The following HUNK variants were observed in gnomAD, a reference collection of about 807,000 sequenced individuals.
The protein encoded by HUNK is hormonally up-regulated Neu-associated kinase.
A neutral mutation model predicts 61.0 loss-of-function variants in HUNK; 21 were observed. That is an observed-to-expected ratio of 0.34 (90% CI 0.24 to 0.50). HUNK has a LOEUF of 0.50. HUNK is among the 20% of genes least tolerant of loss of function. The pLI, the probability that HUNK is intolerant of heterozygous loss-of-function variation, is 0.98. For missense variants in HUNK, 772 were observed against 945.7 expected, an observed-to-expected ratio of 0.82 and a Z score of 2.41; for synonymous variants, 371 against 386.1, an observed-to-expected ratio of 0.96 and a Z score of 0.46.
At chr21:31,935,277 G>C (rs2052725819) in intron 2 of HUNK, among the ~76,000 whole-genome samples, 1 of 152,206 alleles carries the variant, frequency 6.6e-6, no homozygotes, top group African/African-American at 2.4e-5. Context: ...AGCAGTTTCA[G>C]ATTTACAGAA....
At chr21:31,987,516 T>G (rs558467276) in intron 8 of HUNK, among the ~76,000 whole-genome samples, 2 of 152,298 alleles carry the variant, frequency 1.3e-5, no homozygotes, top group East Asian at 3.9e-4. Context: ...AGAACTATAG[T>G]GGGAAAGGGG....
chr21:31,985,128 A>C (rs962864058), intron 8 of HUNK, among the ~76,000 whole-genome samples: 1 of 152,138 alleles, frequency 6.6e-6, no homozygotes, highest in African/African-American at 2.4e-5. Flanking sequence ...CCCTTGACAC[A>C]TGGGGATTAT....
chr21:31,981,663 G>T (rs1272732276), intron 7 of HUNK, among the ~76,000 whole-genome samples: 1 of 151,964 alleles, frequency 6.6e-6, no homozygotes, highest in Non-Finnish European at 1.5e-5. Context: ...TGAATAGTTT[G>T]TTGTTAGTGT....
intron 5 of HUNK, among the ~76,000 whole-genome samples, chr21:31,963,998 TCTC>T (rs959126549): frequency 6.6e-6 from 1 of 152,188 alleles, no homozygotes; most frequent in Non-Finnish European, 1.5e-5. Context: ...TTTCTAAGTC[TCTC>T]TTCTACACAC....
chr21:31,999,050 A>AT lies in HUNK; in HGVS notation c.2012dup (p.Met671IlefsTer15). 6.2e-7 allele frequency: 1 copy of AT among 1,614,208 alleles called. No individual in the cohort carries two copies. Among genetic ancestry groups the AT allele is most frequent in the Non-Finnish European group, 8.5e-7 (1 of 1,180,044 alleles). ...GTTCCCTATGATGGGCATCGGACAG[A>AT]TGTTAAGGAAGCGCCATCAGAGTCT... is the stretch of plus-strand genomic sequence containing the variant. On this transcript the variant is annotated frameshift_variant, in exon 11 of 11. Transcript: ENST00000270112. LOFTEE classifies it high-confidence loss of function.
rs1350819216 is a variant in HUNK, at chr21:31,892,207, A to AGT, written c.261+18273_261+18274insTG. On this transcript the variant is annotated intron_variant, in intron 1 of 10. Coordinates refer to ENST00000270112, the MANE Select transcript of HUNK (RefSeq NM_014586.2). ...GAGAGAGAGAGAGAGAGAGAGAGAGAGAGTGTGTGTGTGTGTGTGTGTGTA... is the reference window on the plus strand; with the variant it reads ...GAGAGAGAGAGAGAGAGAGAGAGAGAGTGAGTGTGTGTGTGTGTGTGTGTGTA... 3.0e-3 allele frequency among the ~76,000 whole-genome samples: 390 copies of AGT among 131,914 alleles called. 1 individual carries two copies. Among genetic ancestry groups the AGT allele is most frequent in the African/African-American group, 0.01 (359 of 34,658 alleles). 86.5% of individuals were successfully genotyped at this position (131,914 alleles called of 152,430 possible). A position where few individuals can be genotyped will look rare whatever the true frequency, so the allele number is the denominator to read the frequency against.
chr21:31,950,560 A>C (rs1257971319), intron 4 of HUNK, among the ~76,000 whole-genome samples: 2 of 152,124 alleles, frequency 1.3e-5, no homozygotes, highest in African/African-American at 4.8e-5. Context: ...TTTGGCGAAA[A>C]CATAAAACTT....
At chr21:31,907,655 C>T (rs1252025160) in intron 1 of HUNK, among the ~76,000 whole-genome samples, 2 of 152,138 alleles carry the variant, frequency 1.3e-5, no homozygotes, top group East Asian at 3.9e-4. Flanking sequence ...GAGTCACAAC[C>T]ACGTGAACAT....
chr21:31,919,202 T>TGAG (rs2052606632), intron 1 of HUNK, among the ~76,000 whole-genome samples: 1 of 146,544 alleles, frequency 6.8e-6, no homozygotes. Flanking sequence ...CTGAGCGGTA[T>TGAG]GAGGAGGAGG....
At chr21:31,922,309 G>C (rs146180346) in intron 1 of HUNK, among the ~76,000 whole-genome samples, 8,924 of 147,528 alleles carry the variant, frequency 0.06, 369 homozygotes, top group Middle Eastern at 0.15. Context: ...AAGCCACCGT[G>C]CCCAGCCTCT....
chr21:32,000,216 T>C lies in HUNK; in HGVS notation c.*1032T>C, dbSNP rs1286066992. ...AGGCAGCATTATCTCTGTGCGATGC[T>C]GATTTCAAGCTGCCCACAGAACTGG... On this transcript the variant is annotated 3_prime_UTR_variant, in exon 11 of 11. Coordinates refer to ENST00000270112, the MANE Select transcript of HUNK (RefSeq NM_014586.2). 3 of 399,078 alleles carry C rather than the reference T, an allele frequency of 7.5e-6. No homozygotes were observed. The highest frequency in any genetic ancestry group is 1.3e-5 in the Non-Finnish European group (3 of 226,078). The allele number at this position is 399,078 out of a possible 1,614,324, so 24.7% of individuals were successfully genotyped here.
chr21:31,913,139 A>G (rs1271718561), intron 1 of HUNK, among the ~76,000 whole-genome samples: 8 of 152,128 alleles, frequency 5.3e-5, no homozygotes, highest in Admixed American at 1.3e-4. Context: ...ACTTTCATGG[A>G]AAGTACAGTG....
At chr21:31,884,560 C>T (rs928280322) in intron 1 of HUNK, among the ~76,000 whole-genome samples, 3 of 151,560 alleles carry the variant, frequency 2.0e-5, no homozygotes, top group African/African-American at 4.9e-5. Context: ...ACATTGCACT[C>T]TAGCCTGGGT....
At position 31,909,375 on chromosome 21, in the gene HUNK, C is replaced by T. The variant is rs987015599; in HGVS notation, c.262-15093C>T. ...CTGGAGCCCAGGCGCAGAGGATCCC[C>T]GGGAAAGTGGCTTGAGAACTCCCCT... On this transcript the variant is annotated intron_variant, in intron 1 of 10. Transcript: ENST00000270112. 6.6e-5 allele frequency among the ~76,000 whole-genome samples: 10 copies of T among 152,188 alleles called. No individual in the cohort carries two copies. The East Asian group carries it at 1.2e-3, about 18-fold the overall frequency.
rs568132171 is a variant in HUNK, at chr21:31,904,250, C to T, written c.262-20218C>T. On this transcript the variant is annotated intron_variant, in intron 1 of 10. Coordinates refer to ENST00000270112, the MANE Select transcript of HUNK (RefSeq NM_014586.2). ...ATCTTTTTGGGTCTACTCTTCGGGC[C>T]CCTTCTGTCTCTGTTTACATGTTGC... Among the ~76,000 whole-genome samples the T allele has an allele frequency of 6.6e-4, 100 of 152,090 alleles. 1 individual carries two copies. The highest frequency in any genetic ancestry group is 2.4e-3 in the African/African-American group (98 of 41,502).
At chr21:31,932,217 C>A (rs573817621) in intron 2 of HUNK, among the ~76,000 whole-genome samples, 1 of 152,224 alleles carries the variant, frequency 6.6e-6, no homozygotes, top group Non-Finnish European at 1.5e-5. Context: ...TTCCACTTCC[C>A]CAGCACTGCT....
chr21:31,978,234 C>T (rs1181823399), intron 7 of HUNK, among the ~76,000 whole-genome samples: 2 of 152,060 alleles, frequency 1.3e-5, no homozygotes, highest in Non-Finnish European at 2.9e-5. Flanking sequence ...TTATCCTGTA[C>T]AACATGATGC....
At position 31,925,923 on chromosome 21, in the gene HUNK, TA is replaced by T. The variant is rs1230596203; in HGVS notation, c.554+1164del. Among the ~76,000 whole-genome samples the T allele has an allele frequency of 1.9e-3, 196 of 101,922 alleles. 1 individual carries two copies. Among genetic ancestry groups the T allele is most frequent in the African/African-American group, 5.6e-3 (185 of 33,288 alleles). 66.9% of individuals were successfully genotyped at this position (101,922 alleles called of 152,430 possible). Reference sequence around the variant, plus strand: ...CTGGGTTATTGAGAACAACCAGAAATATTTTTTTTTTTTTTTGAGACTGAGT... The same window carrying T: ...CTGGGTTATTGAGAACAACCAGAAATTTTTTTTTTTTTTTTGAGACTGAGT... On this transcript the variant is annotated intron_variant, in intron 2 of 10. Transcript: ENST00000270112.
At chr21:31,881,741 AC>A (rs1479855114) in intron 1 of HUNK, among the ~76,000 whole-genome samples, 12 of 152,134 alleles carry the variant, frequency 7.9e-5, no homozygotes, top group Non-Finnish European at 1.8e-4. Flanking sequence ...GTATGTTTGT[AC>A]CCATGAACCA....
Sources: allele counts gnomAD v4.1 joint callset (sites outside exome capture counted in the v4.1 genomes callset), GRCh38; gene constraint gnomAD v4.1.1; transcripts MANE v1.5; gene names NCBI Gene and HGNC (gene_info 2026-07-23, HGNC 2026-07-21).